The following TMEM150C variants were observed in gnomAD, a reference collection of about 807,000 sequenced individuals.
TMEM150C encodes tentonin 3.
Under a neutral mutation model 29.9 loss-of-function variants are expected in TMEM150C, and 10 were observed. That is an observed-to-expected ratio of 0.33 (90% confidence interval 0.21 to 0.57). The LOEUF (loss-of-function observed/expected upper bound fraction) is 0.57, where lower values mean the gene tolerates loss of function less well. Among genes scored for constraint, TMEM150C ranks in the 20% least tolerant of loss-of-function variants. The pLI, the probability that TMEM150C is intolerant of heterozygous loss-of-function variation, is 0.88. For missense variants in TMEM150C, 251 were observed against 303.6 expected (o/e 0.83, Z 1.29); for synonymous variants, 101 against 112.5 (o/e 0.90, Z 0.64).
Position 82,485,035 on chromosome 4 carries a change from A to G in TMEM150C, c.*476T>C, listed in dbSNP as rs1219967289. ...CGACACAGGGTCACATCTCAATACA[A>G]TTTCCGTCCTATTCTATGATACACT... On this transcript the variant is annotated 3_prime_UTR_variant, in exon 8 of 8. Transcript: ENST00000449862. 1.9e-5 allele frequency: 3 copies of G among 155,706 alleles called. No homozygotes were observed. Among genetic ancestry groups the G allele is most frequent in the East Asian group, 3.7e-4 (2 of 5,364 alleles). The allele number at this position is 155,706 out of a possible 1,614,324, so 9.6% of individuals were successfully genotyped here.
intron 6 of TMEM150C, 149 bp downstream of exon 6, chr4:82,495,919 T>C: frequency 1.0e-6 from 1 of 960,736 alleles, no homozygotes; most frequent in Non-Finnish European, 1.5e-6. Context: ...CAGCTCCGAG[T>C]TGCCATGGAA....
chr4:82,518,148 T>C (rs1724354853), intron 1 of TMEM150C, among the ~76,000 whole-genome samples: 1 of 151,960 alleles, frequency 6.6e-6, no homozygotes, highest in African/African-American at 2.4e-5. Context: ...AAACTCCATC[T>C]CTACTAAAAC....
intron 6 of TMEM150C, chr4:82,494,885 A>C: frequency 1.9e-6 from 1 of 537,182 alleles, no homozygotes; most frequent in Admixed American, 2.4e-5. Flanking sequence ...GCAGAGAGGA[A>C]AGTCTGCGTC....
chr4:82,535,469 G>A (rs1289460776), intron 1 of TMEM150C, among the ~76,000 whole-genome samples: 1 of 152,176 alleles, frequency 6.6e-6, no homozygotes, highest in Admixed American at 6.5e-5. Context: ...CATGAGATTT[G>A]GAGGGGAGAT....
At chr4:82,491,882 C>T (rs1174317866) in intron 6 of TMEM150C, among the ~76,000 whole-genome samples, 2 of 151,708 alleles carry the variant, frequency 1.3e-5, no homozygotes, top group South Asian at 2.1e-4. Flanking sequence ...ACCCTTTAAG[C>T]TCTGTTCTTC....
At chr4:82,522,736 G>T (rs1724525811) in intron 1 of TMEM150C, among the ~76,000 whole-genome samples, 1 of 152,180 alleles carries the variant, frequency 6.6e-6, no homozygotes, top group African/African-American at 2.4e-5. Flanking sequence ...TCCAAATACA[G>T]CATGAGCAAG....
At chr4:82,513,166 G>A (rs761907653) in intron 1 of TMEM150C, among the ~76,000 whole-genome samples, 1 of 152,224 alleles carries the variant, frequency 6.6e-6, no homozygotes, top group South Asian at 2.1e-4. Flanking sequence ...AGCAGGGGTC[G>A]AGAGACACTT....
chr4:82,485,571 A>G lies in TMEM150C; in HGVS notation c.690T>C (p.Asn230=), dbSNP rs771592605. 6 of 1,611,040 alleles carry G rather than the reference A, an allele frequency of 3.7e-6. No individual in the cohort carries two copies. Among genetic ancestry groups the G allele is most frequent in the Non-Finnish European group, 5.1e-6 (6 of 1,178,672 alleles). ...ACAGGCTTTCTGAGAAGCTTAGGAA[A>G]TTCTCCTGGTACTCAGAGCAAACAA... ...YEIVCSEYQE[N]FLSFSESLSE... The change falls in exon 8 of 8, where the codon AAT becomes AAC. Residue 230 remains asparagine (N), a synonymous_variant. Transcript: ENST00000449862.
chr4:82,487,455 C>CA (rs565771592), intron 7 of TMEM150C, among the ~76,000 whole-genome samples: 81 of 152,112 alleles, frequency 5.3e-4, no homozygotes, highest in Non-Finnish European at 6.3e-4. Flanking sequence ...TCTTAAATCA[C>CA]AAAAAACATC....
At chr4:82,488,002 T>G (rs1328114908) in intron 7 of TMEM150C, among the ~76,000 whole-genome samples, 4 of 152,164 alleles carry the variant, frequency 2.6e-5, no homozygotes, top group Admixed American at 2.0e-4. Context: ...AATAAGTTCT[T>G]TAGTGATGAT....
chr4:82,522,619 T>C (rs934316037), intron 1 of TMEM150C, among the ~76,000 whole-genome samples: 1 of 152,218 alleles, frequency 6.6e-6, no homozygotes, highest in Non-Finnish European at 1.5e-5. Context: ...AACTATTTAA[T>C]GACACCTGTT....
At chr4:82,537,592 T>C (rs1232785761) in intron 1 of TMEM150C, among the ~76,000 whole-genome samples, 1 of 152,206 alleles carries the variant, frequency 6.6e-6, no homozygotes, top group Admixed American at 6.5e-5. Flanking sequence ...CAAGACCTAA[T>C]CCCCATTACC....
At position 82,507,567 on chromosome 4, in the gene TMEM150C, G is replaced by A. The variant is rs182510304; in HGVS notation, c.-10-2900C>T. Among the ~76,000 whole-genome samples the A allele has an allele frequency of 3.0e-4, 45 of 152,098 alleles. 2 individuals are homozygous for A. The highest frequency in any genetic ancestry group is 9.4e-4 in the African/African-American group (39 of 41,504). On this transcript the variant is annotated intron_variant, in intron 1 of 7. Transcript: ENST00000449862. ...TGATGTGCTCGCTGCTCCAGGTACT[G>A]GGAAAGGATTCCAGGAGGTTCCTGG...
Position 82,507,727 on chromosome 4 carries a change from CTTTTTTTTTTTTTTTTTTTTTTT to C in TMEM150C, c.-10-3083_-10-3061del, listed in dbSNP as rs869112887. On this transcript the variant is annotated intron_variant, in intron 1 of 7. Coordinates refer to ENST00000449862, the MANE Select transcript of TMEM150C (RefSeq NM_001080506.3). The stretch of plus-strand genomic sequence containing the variant: ...TTAAATTAACTCTCTCTCTCTCTCT[CTTTTTTTTTTTTTTTTTTTTTTT>C]TTTTTTTTTTTTTTTTGAGACACGA... Among the ~76,000 whole-genome samples the C allele has an allele frequency of 7.3e-4, 15 of 20,594 alleles. 1 individual carries two copies. Among genetic ancestry groups the C allele is most frequent in the South Asian group, 4.3e-3 (2 of 470 alleles). 13.5% of individuals were successfully genotyped at this position (20,594 alleles called of 152,430 possible).
intron 6 of TMEM150C, chr4:82,495,393 A>G: frequency 3.7e-6 from 1 of 267,402 alleles, no homozygotes. Context: ...GTAAGCTGAG[A>G]TCTCGCCACT....
intron 1 of TMEM150C, among the ~76,000 whole-genome samples, chr4:82,555,563 T>A (rs1725710963): frequency 6.6e-6 from 1 of 152,212 alleles, no homozygotes; most frequent in African/African-American, 2.4e-5. Context: ...AGGCCTCCTC[T>A]TACACAGAAA....
intron 1 of TMEM150C, among the ~76,000 whole-genome samples, chr4:82,522,062 C>CA (rs920563950): frequency 8.7e-5 from 13 of 149,612 alleles, no homozygotes; most frequent in East Asian, 3.9e-4. Flanking sequence ...GAACTTTATT[C>CA]AAAAAAAAAA....
chr4:82,554,488 T>G (rs1467127707), intron 1 of TMEM150C, among the ~76,000 whole-genome samples: 5 of 152,206 alleles, frequency 3.3e-5, no homozygotes, highest in Admixed American at 3.3e-4. Context: ...TTAAAAAATA[T>G]ATGTTAATTT....
chr4:82,559,590 A>G (rs1725852230), intron 1 of TMEM150C, among the ~76,000 whole-genome samples: 1 of 152,142 alleles, frequency 6.6e-6, no homozygotes, highest in Admixed American at 6.5e-5. Flanking sequence ...GGACACACTT[A>G]TTACACACCT....
Sources: allele counts gnomAD v4.1 joint callset (sites outside exome capture counted in the v4.1 genomes callset), GRCh38; gene constraint gnomAD v4.1.1; transcripts MANE v1.5; gene names NCBI Gene and HGNC (gene_info 2026-07-23, HGNC 2026-07-21).